NIP7: variants seen among roughly 807,000 people sequenced by gnomAD.
The protein encoded by NIP7 is 60S ribosome subunit biogenesis protein NIP7 homolog.
Under a neutral mutation model 20.1 loss-of-function variants are expected in NIP7, and 12 were observed. The observed-to-expected ratio is 0.60, with a 90% CI of 0.38 to 0.97. The LOEUF (loss-of-function observed/expected upper bound fraction) is 0.97, where lower values mean the gene tolerates loss of function less well. Among genes scored for constraint, NIP7 ranks in the 50% least tolerant of loss-of-function variants. NIP7 has a pLI of 0.00. For missense variants in NIP7, 226 were observed against 226.6 expected, an observed-to-expected ratio of 1.00 and a Z score of 0.02; for synonymous variants, 103 against 87.2, an observed-to-expected ratio of 1.18 and a Z score of -1.01.
intron 3 of NIP7, 22 bp from the exon 4 acceptor site, chr16:69,341,158 T>C (rs1403220308): frequency 4.4e-6 from 7 of 1,604,110 alleles, no homozygotes; most frequent in Non-Finnish European, 6.0e-6. Flanking sequence ...TTTATGTCTC[T>C]TGGATTTTAA....
rs58641063 is a variant in NIP7 at position 69,342,247 on chromosome 16, A to G, written c.*595A>G. On this transcript the variant is annotated 3_prime_UTR_variant, in exon 5 of 5. Transcript: ENST00000254940. ...GTTTAAAAAGACACAAAACTTGAAA[A>G]TCAGCTTTGGCCATCTACCTGAGAA... 0.056 allele frequency: 8,596 copies of G among 152,278 alleles called. 260 individuals are homozygous for G. Among genetic ancestry groups the G allele is most frequent in the South Asian group, 0.084 (406 of 4,822 alleles). The allele number at this position is 152,278 out of a possible 1,614,324, so 9.4% of individuals were successfully genotyped here.
Position 69,340,008 on chromosome 16 carries a change from T to C in NIP7, c.59T>C (p.Ile20Thr), listed in dbSNP as rs369732481. ...TCCAGTCCTCTTTTTGCCCTCAGCA[T>C]TGGGGAGAATCTTCAACTGCTGGTG... ...RVMFEKIAKY[I>T]GENLQLLVDR... Residue 20 changes from isoleucine (I) to threonine (T), a missense_variant and splice_region_variant, in exon 2 of 5, where the codon ATT (isoleucine) becomes ACT (threonine). By Grantham distance (89) the Ile-to-Thr change is moderately conservative. Coordinates refer to ENST00000254940, the MANE Select transcript of NIP7 (RefSeq NM_016101.5). 1.1e-5 allele frequency: 17 copies of C among 1,613,932 alleles called. No homozygotes were observed. Among genetic ancestry groups the C allele is most frequent in the African/African-American group, 2.7e-5 (2 of 74,892 alleles).
intron 3 of NIP7, chr16:69,340,826 T>C (rs1302770037): frequency 2.2e-5 from 5 of 229,582 alleles, no homozygotes; most frequent in Non-Finnish European, 4.3e-5. Context: ...CCAGTGATTC[T>C]TGTGCCTCAG....
Position 69,340,237 on chromosome 16 carries a change from C to A in NIP7, c.187C>A (p.Leu63Met). 1 of 1,614,178 alleles carries A rather than the reference C, an allele frequency of 6.2e-7. No individual in the cohort carries two copies. The highest frequency in any genetic ancestry group is 8.5e-7 in the Non-Finnish European group (1 of 1,180,034). Residue 63 changes from leucine (L) to methionine (M), a missense_variant, in exon 3 of 5, where the codon CTG becomes ATG. By Grantham distance (15) the Leu-to-Met change is conservative. Coordinates refer to ENST00000254940, the MANE Select transcript of NIP7 (RefSeq NM_016101.5). ...GGCCGCCAATATTTCCGGGGACAAG[C>A]TGGTGTCGCTGGGGACCTGCTTTGG... ...KLAANISGDK[L>M]VSLGTCFGKF...
chr16:69,339,950 C>G, intron 1 of NIP7, 56 bp from the exon 2 acceptor site: 11 of 1,612,664 alleles, frequency 6.8e-6, no homozygotes, highest in Non-Finnish European at 9.3e-6. Flanking sequence ...AGTGGGGGCG[C>G]GGTGCCGGAG....
Position 69,340,043 on chromosome 16 carries a change from G to T in NIP7, c.94G>T (p.Asp32Tyr). ...TCTTCAACTGCTGGTGGACCGGCCC[G>T]ATGGCACCTACTGTTTCCGTCTGCA... ...ENLQLLVDRP[D>Y]GTYCFRLHND... The change falls in exon 2 of 5, where the codon GAT becomes TAT. Residue 32 changes from aspartate (D) to tyrosine (Y), a missense_variant. By Grantham distance (160) the Asp-to-Tyr change is radical. Transcript: ENST00000254940. 6.2e-7 allele frequency: 1 copy of T among 1,614,076 alleles called. No homozygotes were observed. The highest frequency in any genetic ancestry group is 1.1e-5 in the South Asian group (1 of 91,068).
chr16:69,342,447 A>T lies in NIP7; in HGVS notation c.*795A>T, dbSNP rs80014992. On this transcript the variant is annotated 3_prime_UTR_variant, in exon 5 of 5. Transcript: ENST00000254940. The stretch of plus-strand genomic sequence containing the variant: ...CCATCTCTACTAAAAAAAAAAAAAA[A>T]ATTAGGTGTGGTGACACATGGCTGT... 1 of 151,988 alleles carries T rather than the reference A, an allele frequency of 6.6e-6. No homozygotes were observed. Among genetic ancestry groups the T allele is most frequent in the Non-Finnish European group, 1.5e-5 (1 of 68,002 alleles). 9.4% of individuals were successfully genotyped at this position (151,988 alleles called of 1,614,324 possible).
intron 1 of NIP7, 27 bp downstream of exon 1, chr16:69,339,912 AGT>A: frequency 6.2e-7 from 1 of 1,613,170 alleles, no homozygotes; most frequent in South Asian, 1.1e-5. Context: ...CGGACGCGGG[AGT>A]GTGTGGGTGT....
intron 3 of NIP7, chr16:69,340,809 C>A (rs1330724307): frequency 9.0e-6 from 2 of 222,996 alleles, no homozygotes; most frequent in Non-Finnish European, 1.8e-5. Context: ...CCTCCACTTT[C>A]CAGTTTCCAG....
intron 3 of NIP7, 29 bp downstream of exon 3, chr16:69,340,361 C>T (rs757879172): frequency 8.1e-6 from 13 of 1,603,406 alleles, no homozygotes; most frequent in South Asian, 6.6e-5. Context: ...AATTCTGCCA[C>T]GGGCGATGAA....
rs1396675068 is a variant in NIP7, at chr16:69,341,996, TTTC to T, written c.*347_*349del. The T allele has an allele frequency of 1.7e-5, 3 of 175,418 alleles. No homozygotes were observed. The highest frequency in any genetic ancestry group is 3.6e-5 in the Non-Finnish European group (3 of 82,936). The allele number at this position is 175,418 out of a possible 1,614,324, so 10.9% of individuals were successfully genotyped here. A position where few individuals can be genotyped will look rare whatever the true frequency, so the allele number is the denominator to read the frequency against. On this transcript the variant is annotated 3_prime_UTR_variant, in exon 5 of 5. Coordinates refer to ENST00000254940, the MANE Select transcript of NIP7 (RefSeq NM_016101.5). ...AACACTGTTTTCTAAACACAAGGAT[TTTC>T]TTTTTTATTAATATGCAACATAGAC... is the stretch of plus-strand genomic sequence containing the variant.
chr16:69,341,351 C>T, intron 4 of NIP7, 31 bp downstream of exon 4: 1 of 1,609,914 alleles, frequency 6.2e-7, no homozygotes, highest in Non-Finnish European at 8.5e-7. Context: ...TTACAGAACT[C>T]AAGTACTCTT....
At position 69,341,519 on chromosome 16, in the gene NIP7, C is replaced by G. The variant is rs1315504071; in HGVS notation, c.424-14C>G. 1 of 1,613,694 alleles carries G rather than the reference C, an allele frequency of 6.2e-7. No homozygotes were observed. The highest frequency in any genetic ancestry group is 8.5e-7 in the Non-Finnish European group (1 of 1,179,820). On this transcript the variant is annotated splice_polypyrimidine_tract_variant and intron_variant, in intron 4 of 4. Transcript: ENST00000254940. ...TGACTTCAGTGAGTTAGTGTCTCTT[C>G]TTTTGAATCCCAGGGTTTTGGGGTG...
In NIP7 at chr16:69,339,795, G is replaced by A. The variant is rs1446181365; in HGVS notation, c.-35G>A. On this transcript the variant is annotated 5_prime_UTR_variant, in exon 1 of 5. Coordinates refer to ENST00000254940, the MANE Select transcript of NIP7 (RefSeq NM_016101.5). ...CCGACTTCCGTTTCCAGTTACCAAGGCACGAGGATCCGGTGTTCCAACCCA... is the reference window on the plus strand; with the variant it reads ...CCGACTTCCGTTTCCAGTTACCAAGACACGAGGATCCGGTGTTCCAACCCA... 6.8e-6 allele frequency: 11 copies of A among 1,610,850 alleles called. No homozygotes were observed. The East Asian group carries it at 2.2e-4, about 33-fold the overall frequency.
Position 69,341,786 on chromosome 16 carries a change from C to G in NIP7, c.*134C>G, listed in dbSNP as rs922003421. ...TCAGGGACTTCTTATTTACTGTACT[C>G]TCTATCACTGACAAATGCAGGCTGG... On this transcript the variant is annotated 3_prime_UTR_variant, in exon 5 of 5. Transcript: ENST00000254940. 9.8e-7 allele frequency: 1 copy of G among 1,021,138 alleles called. No homozygotes were observed. Among genetic ancestry groups the G allele is most frequent in the Non-Finnish European group, 1.4e-6 (1 of 695,290 alleles). 63.3% of individuals were successfully genotyped at this position (1,021,138 alleles called of 1,614,324 possible). A position where few individuals can be genotyped will look rare whatever the true frequency, so the allele number is the denominator to read the frequency against.
chr16:69,341,629 C>T lies in NIP7; in HGVS notation c.520C>T (p.Arg174Trp). The stretch of plus-strand genomic sequence containing the variant: ...TCAAGCAGACATTGGGGAATATGTG[C>T]GGCATGAAGAGACGTTGACTTAAAA... Reference protein sequence around the residue: ...FHQADIGEYVRHEETLT With the variant: ...FHQADIGEYVWHEETLT The change falls in exon 5 of 5, where the codon CGG becomes TGG. Residue 174 changes from arginine (R) to tryptophan (W), a missense_variant. Coordinates refer to ENST00000254940, the MANE Select transcript of NIP7 (RefSeq NM_016101.5). 6.2e-7 allele frequency: 1 copy of T among 1,614,090 alleles called. No homozygotes were observed. Among genetic ancestry groups the T allele is most frequent in the Non-Finnish European group, 8.5e-7 (1 of 1,179,988 alleles).
At position 69,341,173 on chromosome 16, in the gene NIP7, C is replaced by T. The variant is rs749639509; in HGVS notation, c.283-7C>T. ...TTTATGTCTCTTGGATTTTAATTCTCTTATAGTATAAAGTTTGGATAAAGC... is the reference window on the plus strand; with the variant it reads ...TTTATGTCTCTTGGATTTTAATTCTTTTATAGTATAAAGTTTGGATAAAGC... On this transcript the variant is annotated splice_region_variant and splice_polypyrimidine_tract_variant and intron_variant, in intron 3 of 4. Transcript: ENST00000254940. The T allele has an allele frequency of 3.7e-6, 6 of 1,610,030 alleles. No homozygotes were observed. Among genetic ancestry groups the T allele is most frequent in the Admixed American group, 3.4e-5 (2 of 59,236 alleles).
In NIP7 at chr16:69,340,073, G is replaced by T; in HGVS notation, c.124G>T (p.Asp42Tyr). 6.2e-7 allele frequency: 1 copy of T among 1,614,042 alleles called. No homozygotes were observed. Among genetic ancestry groups the T allele is most frequent in the South Asian group, 1.1e-5 (1 of 91,018 alleles). Residue 42 changes from aspartate (D) to tyrosine (Y), a missense_variant, in exon 2 of 5, where the codon GAC becomes TAC. Transcript: ENST00000254940. ...CACCTACTGTTTCCGTCTGCACAAC[G>T]ACCGGGTGTACTATGTGAGGTGAGG... ...DGTYCFRLHN[D>Y]RVYYVSEKIM...
At position 69,342,850 on chromosome 16, in the gene NIP7, TACTTG is replaced by T. The variant is rs2012598572; in HGVS notation, c.*1202_*1206del. 1 of 152,158 alleles carries T rather than the reference TACTTG, an allele frequency of 6.6e-6. No individual in the cohort carries two copies. Among genetic ancestry groups the T allele is most frequent in the Admixed American group, 6.5e-5 (1 of 15,268 alleles). 9.4% of individuals were successfully genotyped at this position (152,158 alleles called of 1,614,324 possible). A position where few individuals can be genotyped will look rare whatever the true frequency, so the allele number is the denominator to read the frequency against. On this transcript the variant is annotated 3_prime_UTR_variant, in exon 5 of 5. Coordinates refer to ENST00000254940, the MANE Select transcript of NIP7 (RefSeq NM_016101.5). ...ACAATTTTTTCTATGAACCTTTACTTACTTGACTGGATTGGACTAAAAGCACTGAT... is the reference window on the plus strand; with the variant it reads ...ACAATTTTTTCTATGAACCTTTACTTACTGGATTGGACTAAAAGCACTGAT...
Sources: gnomAD v4.1 joint callset for allele counts on GRCh38, gnomAD v4.1.1 for gene constraint, MANE v1.5 for transcripts, NCBI Gene and HGNC (gene_info 2026-07-23, HGNC 2026-07-21) for gene names.